The following CCDC7 variants were observed in gnomAD, a reference collection of about 807,000 sequenced individuals.
CCDC7 encodes coiled-coil domain containing 7, also known as coiled-coil domain-containing protein 7.
In CCDC7, 183 loss-of-function variants were observed where a neutral mutation model predicts 196.9. That is an observed-to-expected ratio of 0.93 (90% CI 0.82 to 1.05). The LOEUF (loss-of-function observed/expected upper bound fraction) is 1.05. Ranked by LOEUF, CCDC7 falls within the 50% of genes least tolerant of loss-of-function variation. The pLI is 0.00. For missense variants in CCDC7, 1,540 were observed against 1,482.2 expected, an observed-to-expected ratio of 1.04 and a Z score of -0.64; for synonymous variants, 525 against 484.6, an observed-to-expected ratio of 1.08 and a Z score of -1.10.
intron 24 of CCDC7, among the ~76,000 whole-genome samples, chr10:32,700,858 T>C (rs907133761): frequency 2.6e-5 from 4 of 152,202 alleles, no homozygotes; most frequent in African/African-American, 9.7e-5. Flanking sequence ...TCTCTGTTTG[T>C]CTGTTATTGG....
chr10:32,672,055 T>C (rs2074164332), intron 21 of CCDC7, among the ~76,000 whole-genome samples: 1 of 152,100 alleles, frequency 6.6e-6, no homozygotes, highest in Admixed American at 6.6e-5. Context: ...CATGAGTATT[T>C]GATTAGTGGT....
chr10:32,518,060 A>T lies in CCDC7; in HGVS notation c.903+85A>T, dbSNP rs1589438607. Reference sequence around the variant, plus strand: ...AGAAATTGTCAGGATACATAATCCTATATAAAGATCCAATCCTTACTTAGT... The same window carrying T: ...AGAAATTGTCAGGATACATAATCCTTTATAAAGATCCAATCCTTACTTAGT... On this transcript the variant is annotated intron_variant, in intron 10 of 41. Coordinates refer to ENST00000639629, the Ensembl canonical transcript of CCDC7. The T allele has an allele frequency of 6.3e-6, 9 of 1,433,334 alleles. No homozygotes were observed. The East Asian group carries it at 2.0e-4, about 33-fold the overall frequency. 88.8% of individuals were successfully genotyped at this position (1,433,334 alleles called of 1,614,324 possible).
chr10:32,476,361 CAATAG>C (rs2038979615), intron 8 of CCDC7, among the ~76,000 whole-genome samples: 1 of 152,070 alleles, frequency 6.6e-6, no homozygotes, highest in Admixed American at 6.5e-5. Context: ...CTCTGTGTTT[CAATAG>C]TTTGTCAAAG....
chr10:32,529,203 A>C (rs1044266614), intron 11 of CCDC7, among the ~76,000 whole-genome samples: 1 of 151,942 alleles, frequency 6.6e-6, no homozygotes, highest in Admixed American at 6.6e-5. Flanking sequence ...TTGTATTTTT[A>C]GTAGAGATGG....
intron 41 of CCDC7, among the ~76,000 whole-genome samples, chr10:32,873,221 G>T (rs892748553): frequency 4.6e-5 from 7 of 151,968 alleles, no homozygotes; most frequent in Non-Finnish European, 7.4e-5. Flanking sequence ...ATATTTCTTG[G>T]AGTCTTTGTT....
intron 24 of CCDC7, among the ~76,000 whole-genome samples, chr10:32,697,750 A>G (rs997643226): frequency 2.0e-5 from 3 of 152,244 alleles, no homozygotes; most frequent in Admixed American, 6.5e-5. Flanking sequence ...GGGGCAGGGC[A>G]TAGCTGAACA....
intron 24 of CCDC7, among the ~76,000 whole-genome samples, chr10:32,696,787 G>A (rs1016336674): frequency 2.0e-5 from 3 of 152,072 alleles, no homozygotes; most frequent in Non-Finnish European, 1.5e-5. Flanking sequence ...CTATTTTTAT[G>A]TTGCTGTCTC....
chr10:32,523,998 G>A (rs949340510), intron 11 of CCDC7, among the ~76,000 whole-genome samples: 1 of 150,098 alleles, frequency 6.7e-6, no homozygotes, highest in African/African-American at 2.4e-5. Flanking sequence ...TTATTCATAA[G>A]TAGGGACTTG....
intron 5 of CCDC7, among the ~76,000 whole-genome samples, chr10:32,468,750 C>CTT (rs3030631): frequency 0.25 from 38,205 of 151,914 alleles, 5,363 homozygotes; most frequent in South Asian, 0.43. Flanking sequence ...TTGTGAGTCT[C>CTT]TGAGTTAGGA....
At chr10:32,553,042 C>T (rs1018154610) in intron 13 of CCDC7, among the ~76,000 whole-genome samples, 5 of 150,440 alleles carry the variant, frequency 3.3e-5, no homozygotes, top group African/African-American at 4.9e-5. Flanking sequence ...TCTCTTCTTC[C>T]TCAGGAAAAT....
intron 18 of CCDC7, among the ~76,000 whole-genome samples, chr10:32,584,786 A>G (rs2059094222): frequency 7.1e-6 from 1 of 140,376 alleles, no homozygotes; most frequent in African/African-American, 2.7e-5. Flanking sequence ...AAGATTGGTG[A>G]GTTATCATTA....
At chr10:32,485,490 T>G (rs2040872249) in intron 8 of CCDC7, among the ~76,000 whole-genome samples, 1 of 152,206 alleles carries the variant, frequency 6.6e-6, no homozygotes, top group South Asian at 2.1e-4. Flanking sequence ...GTGTCTCTAT[T>G]TCCTTCAGTT....
At chr10:32,813,895 T>A (rs1338113137) in intron 30 of CCDC7, among the ~76,000 whole-genome samples, 1 of 152,200 alleles carries the variant, frequency 6.6e-6, no homozygotes, top group Non-Finnish European at 1.5e-5. Flanking sequence ...TTTTTAAGGT[T>A]TTTGTTATTT....
chr10:32,597,926 C>T (rs1340459375), intron 18 of CCDC7, among the ~76,000 whole-genome samples: 1 of 152,172 alleles, frequency 6.6e-6, no homozygotes, highest in African/African-American at 2.4e-5. Context: ...CTGGGAGGTG[C>T]CTCCCAATTA....
chr10:32,848,856 A>G, intron 39 of CCDC7, 138 bp downstream of exon 40: 1 of 731,300 alleles, frequency 1.4e-6, no homozygotes, highest in Non-Finnish European at 2.3e-6. Context: ...AAGCGTAAAA[A>G]TAAAATGGTT....
At chr10:32,463,373 T>C (rs1465859033) in intron 5 of CCDC7, among the ~76,000 whole-genome samples, 3 of 152,206 alleles carry the variant, frequency 2.0e-5, no homozygotes, top group Non-Finnish European at 2.9e-5. Context: ...ACTTTAAATA[T>C]TTCTACCATA....
At chr10:32,729,519 T>C (rs2083599336) in intron 28 of CCDC7, 62 bp downstream of exon 29, 1 of 869,610 alleles carries the variant, frequency 1.1e-6, no homozygotes, top group East Asian at 3.0e-5. Flanking sequence ...AATTTGTTTT[T>C]GGTTTATAAA....
At chr10:32,871,183 TCC>T (rs1360114920) in intron 41 of CCDC7, among the ~76,000 whole-genome samples, 23 of 152,316 alleles carry the variant, frequency 1.5e-4, no homozygotes, top group Admixed American at 1.4e-3. Context: ...TGGTACCAGT[TCC>T]TCCTTGTACC....
At chr10:32,512,893 T>C (rs2135400035) in intron 9 of CCDC7, 1 of 152,266 alleles carries the variant, frequency 6.6e-6, no homozygotes, top group South Asian at 2.1e-4. Context: ...GCCATGACTT[T>C]TTTGTCTACA....
Sources: gnomAD v4.1 joint callset for allele counts (sites outside exome capture counted in the v4.1 genomes callset) on GRCh38, gnomAD v4.1.1 for gene constraint, MANE v1.5 for transcripts, NCBI Gene and HGNC (gene_info 2026-07-23, HGNC 2026-07-21) for gene names.